Variants in ACACB observed in about 807,000 individuals in gnomAD.
ACACB encodes the protein acetyl-CoA carboxylase 2.
In ACACB, 209 loss-of-function variants were observed where a neutral mutation model predicts 278.8. The ratio of observed to expected loss-of-function variants is 0.75; its 90% CI spans 0.67 to 0.84. The LOEUF is 0.84. ACACB is among the 40% of genes least tolerant of loss of function. The pLI is 0.00. For synonymous variants in ACACB, 1,174 were observed against 1,285.6 expected (o/e 0.91, Z 1.86); for missense variants, 2,850 against 3,269.0 (o/e 0.87, Z 3.13).
intron 35 of ACACB, 26 bp from the exon 36 acceptor site, chr12:109,241,052 A>C: frequency 6.2e-7 from 1 of 1,609,158 alleles, no homozygotes; most frequent in Non-Finnish European, 8.5e-7. Flanking sequence ...TGGCCCTGAA[A>C]CTGGAATTGC....
Position 109,188,125 on chromosome 12 carries a change from T to G in ACACB, c.2107T>G (p.Cys703Gly). ...HEFADSQFGH[C>G]FSWGENREEA... is the part of the protein sequence containing the mutation. ...GTTTGCGGATTCCCAATTTGGGCACTGCTTCTCCTGGGGAGAGAACCGGGA... is the reference window on the plus strand; with the variant it reads ...GTTTGCGGATTCCCAATTTGGGCACGGCTTCTCCTGGGGAGAGAACCGGGA... Residue 703 changes from cysteine to glycine, a missense_variant, in exon 13 of 53, where the codon TGC (cysteine) becomes GGC (glycine). Physicochemically the swap from Cys to Gly is radical, Grantham distance 159. Coordinates refer to ENST00000338432, the MANE Select transcript of ACACB (RefSeq NM_001093.4). 6.2e-7 allele frequency: 1 copy of G among 1,611,752 alleles called. No individual in the cohort carries two copies. The highest frequency in any genetic ancestry group is 8.5e-7 in the Non-Finnish European group (1 of 1,178,030).
At chr12:109,184,951 A>G (rs1033238263) in intron 11 of ACACB, among the ~76,000 whole-genome samples, 10 of 152,052 alleles carry the variant, frequency 6.6e-5, no homozygotes, top group African/African-American at 2.4e-4. Flanking sequence ...GGCTCAAGCG[A>G]TCTGCCTGCT....
At chr12:109,220,114 A>G (rs2046117615) in intron 24 of ACACB, among the ~76,000 whole-genome samples, 1 of 152,164 alleles carries the variant, frequency 6.6e-6, no homozygotes, top group Non-Finnish European at 1.5e-5. Context: ...ATGAAATATC[A>G]TGTACACCAG....
intron 19 of ACACB, among the ~76,000 whole-genome samples, chr12:109,203,086 C>T (rs2045384464): frequency 6.6e-6 from 1 of 152,206 alleles, no homozygotes; most frequent in Admixed American, 6.5e-5. Context: ...CTCTAGGTGC[C>T]TCATATAGGT....
intron 1 of ACACB, among the ~76,000 whole-genome samples, chr12:109,122,133 T>A (rs1227295639): frequency 6.6e-6 from 1 of 152,168 alleles, no homozygotes; most frequent in Non-Finnish European, 1.5e-5. Context: ...GCCAGGGCCA[T>A]GTAGACCATG....
chr12:109,246,558 G>C, intron 39 of ACACB, 110 bp downstream of exon 39: 1 of 1,319,986 alleles, frequency 7.6e-7, no homozygotes, highest in East Asian at 2.4e-5. Context: ...TATGTATAAA[G>C]CACAGATGTA....
intron 1 of ACACB, among the ~76,000 whole-genome samples, chr12:109,121,627 C>T (rs895778520): frequency 3.3e-5 from 5 of 152,194 alleles, no homozygotes; most frequent in African/African-American, 4.8e-5. Context: ...GTTCAACAGC[C>T]GTGCAGATGC....
intron 34 of ACACB, 147 bp downstream of exon 34, chr12:109,237,527 G>C (rs1205880318): frequency 2.4e-6 from 2 of 848,162 alleles, no homozygotes; most frequent in East Asian, 5.4e-5. Flanking sequence ...CTCCAGTCCA[G>C]GGCAGGAGGC....
At chr12:109,234,385 A>G (rs908579198) in intron 31 of ACACB, among the ~76,000 whole-genome samples, 2 of 152,084 alleles carry the variant, frequency 1.3e-5, no homozygotes, top group African/African-American at 4.8e-5. Flanking sequence ...GCAGTTTTAA[A>G]ATGGCTACTT....
intron 37 of ACACB, among the ~76,000 whole-genome samples, chr12:109,244,926 G>A (rs1031240457): frequency 6.6e-6 from 1 of 152,138 alleles, no homozygotes; most frequent in Non-Finnish European, 1.5e-5. Context: ...GCTGCCGGGC[G>A]TGGTGGCTCA....
intron 19 of ACACB, among the ~76,000 whole-genome samples, chr12:109,206,222 T>G (rs974986227): frequency 1.3e-5 from 2 of 151,690 alleles, no homozygotes; most frequent in East Asian, 3.9e-4. Flanking sequence ...GATCATGAGG[T>G]CAAGAGATCA....
At chr12:109,126,341 G>T (rs1419800471) in intron 1 of ACACB, among the ~76,000 whole-genome samples, 2 of 152,180 alleles carry the variant, frequency 1.3e-5, no homozygotes, top group Non-Finnish European at 2.9e-5. Flanking sequence ...GGCCGATCTG[G>T]AACCATTCAG....
intron 22 of ACACB, among the ~76,000 whole-genome samples, chr12:109,213,567 C>T (rs2045907730): frequency 1.3e-5 from 2 of 151,986 alleles, no homozygotes; most frequent in African/African-American, 2.4e-5. Flanking sequence ...AGGGGTTTCC[C>T]GCTGCAGGAC....
intron 18 of ACACB, among the ~76,000 whole-genome samples, chr12:109,200,207 C>T (rs959977827): frequency 6.6e-6 from 1 of 150,928 alleles, no homozygotes; most frequent in African/African-American, 2.4e-5. Context: ...TTTTTTGAGA[C>T]AAGTCTCAGT....
At chr12:109,220,302 C>A (rs895240872) in intron 24 of ACACB, among the ~76,000 whole-genome samples, 1 of 152,192 alleles carries the variant, frequency 6.6e-6, no homozygotes, top group African/African-American at 2.4e-5. Flanking sequence ...ATAGTGAGTT[C>A]TCTGCACCTG....
intron 1 of ACACB, among the ~76,000 whole-genome samples, chr12:109,128,210 G>A (rs534826200): frequency 2.0e-5 from 3 of 152,260 alleles, no homozygotes; most frequent in African/African-American, 4.8e-5. Context: ...GTGCAGTGGT[G>A]TGATCTCGGC....
At chr12:109,162,557 A>C (rs2043761777) in intron 2 of ACACB, among the ~76,000 whole-genome samples, 1 of 152,150 alleles carries the variant, frequency 6.6e-6, no homozygotes, top group Non-Finnish European at 1.5e-5. Flanking sequence ...CAGCAGTTCA[A>C]AGGTACATAT....
Position 109,260,571 on chromosome 12 carries a change from T to A in ACACB, c.6588T>A (p.Tyr2196Ter). 1 of 1,613,954 alleles carries A rather than the reference T, an allele frequency of 6.2e-7. No individual in the cohort carries two copies. The highest frequency in any genetic ancestry group is 1.1e-5 in the South Asian group (1 of 91,024). The change falls in exon 48 of 53, where the codon TAT (tyrosine) becomes TAA (stop). Residue 2196 changes from tyrosine (Y) to a stop codon, truncating the protein, a stop_gained. Coordinates refer to ENST00000338432, the MANE Select transcript of ACACB (RefSeq NM_001093.4). LOFTEE classifies it high-confidence loss of function. ...CCATCCTGATCTATATCCCGCCCTA[T>A]GCGGAGCTCCGGGGAGGCTCCTGGG... ...KQPILIYIPP[Y>*]AELRGGSWVV...
rs190465131 is a variant in ACACB at position 109,247,574 on chromosome 12, G to T, written c.5572-32G>T. The T allele has an allele frequency of 4.7e-5, 72 of 1,530,530 alleles. No homozygotes were observed. The African/African-American group carries it at 6.8e-4, about 15-fold the overall frequency. 94.8% of individuals were successfully genotyped at this position (1,530,530 alleles called of 1,614,324 possible). A position where few individuals can be genotyped will look rare whatever the true frequency, so the allele number is the denominator to read the frequency against. ...ACAGTGGCTTTCAGTGCAGGGAACT[G>T]GATTCGTAGCCTCACTAAAGTATTT... On this transcript the variant is annotated intron_variant, in intron 39 of 52. Coordinates refer to ENST00000338432, the MANE Select transcript of ACACB (RefSeq NM_001093.4).
Sources: allele counts gnomAD v4.1 joint callset (sites outside exome capture counted in the v4.1 genomes callset), GRCh38; gene constraint gnomAD v4.1.1; transcripts MANE v1.5; gene names NCBI Gene and HGNC (gene_info 2026-07-23, HGNC 2026-07-21).